RRM1: variants seen among roughly 807,000 people sequenced by gnomAD.
RRM1 encodes the protein ribonucleoside-diphosphate reductase large subunit.
Under a neutral mutation model 101.5 loss-of-function variants are expected in RRM1, and 19 were observed. The ratio of observed to expected loss-of-function variants is 0.19; its 90% CI spans 0.13 to 0.27. The LOEUF is 0.27. Ranked by LOEUF, RRM1 falls within the 10% of genes least tolerant of loss-of-function variation. The pLI, the probability that RRM1 is intolerant of heterozygous loss-of-function variation, is 1.00. For synonymous variants in RRM1, 298 were observed against 323.4 expected, an observed-to-expected ratio of 0.92 and a Z score of 0.84; for missense variants, 500 against 962.9, an observed-to-expected ratio of 0.52 and a Z score of 6.36.
At chr11:4,112,140 A>G (rs2094566456) in intron 7 of RRM1, 78 bp downstream of exon 7, 3 of 1,140,386 alleles carry the variant, frequency 2.6e-6, no homozygotes, top group Non-Finnish European at 3.8e-6. Context: ...AAATAATTTA[A>G]TGACCTTTTA....
At chr11:4,111,812 T>G in intron 6 of RRM1, 88 bp from the exon 7 acceptor site, 4 of 1,348,552 alleles carry the variant, frequency 3.0e-6, no homozygotes, top group Non-Finnish European at 4.1e-6. Context: ...CTAGTTTCCT[T>G]TTGGTGTCCT....
intron 7 of RRM1, chr11:4,116,482 C>T (rs2094573583): frequency 6.6e-6 from 1 of 152,140 alleles, no homozygotes; most frequent in African/African-American, 2.4e-5. Context: ...ATCCCAGCTA[C>T]TCAGGAAGCT....
intron 11 of RRM1, among the ~76,000 whole-genome samples, chr11:4,122,630 T>C (rs964894427): frequency 9.8e-5 from 15 of 152,322 alleles, no homozygotes; most frequent in Non-Finnish European, 2.1e-4. Context: ...CTCAGCACTT[T>C]GGGAAGATGA....
chr11:4,128,080 C>A (rs1332067880), intron 14 of RRM1, among the ~76,000 whole-genome samples: 1 of 151,950 alleles, frequency 6.6e-6, no homozygotes, highest in Non-Finnish European at 1.5e-5. Flanking sequence ...TCAAAAGGGG[C>A]ACAGTCTAGT....
At chr11:4,097,358 T>A (rs924020156) in intron 1 of RRM1, among the ~76,000 whole-genome samples, 1 of 151,546 alleles carries the variant, frequency 6.6e-6, no homozygotes, top group African/African-American at 2.4e-5. Flanking sequence ...TCTCATTCCT[T>A]CATAGAGCAC....
intron 1 of RRM1, 151 bp downstream of exon 1, chr11:4,095,182 C>T (rs1445975606): frequency 2.1e-6 from 2 of 964,050 alleles, no homozygotes; most frequent in East Asian, 2.6e-5. Context: ...GCCCGCTCGG[C>T]CTTCTGTCTT....
chr11:4,108,436 A>G lies in RRM1; in HGVS notation c.387+901A>G, dbSNP rs372137391. On this transcript the variant is annotated intron_variant, in intron 4 of 18. Transcript: ENST00000300738. ...ACACGGTGAAACCCCGTCTCTACTA[A>G]AAATACAAAAAATTAGCCAGGTGTG... 2.6e-4 allele frequency among the ~76,000 whole-genome samples: 39 copies of G among 152,036 alleles called. No homozygotes were observed. In the East Asian group the frequency reaches 3.9e-3, roughly 15 times the overall value.
chr11:4,137,441 G>C (rs1470288556), intron 18 of RRM1, among the ~76,000 whole-genome samples: 3 of 136,052 alleles, frequency 2.2e-5, no homozygotes, highest in East Asian at 2.3e-4. Flanking sequence ...CTGGCCGGGC[G>C]GGGGGCTCAC....
At chr11:4,119,666 A>T (rs1329029678) in intron 8 of RRM1, 179 bp from the exon 9 acceptor site, 2 of 573,702 alleles carry the variant, frequency 3.5e-6, no homozygotes, top group African/African-American at 3.8e-5. Flanking sequence ...TAATTTATTC[A>T]ACATTTTGTT....
intron 8 of RRM1, chr11:4,119,573 C>T (rs980923616): frequency 2.7e-6 from 1 of 365,006 alleles, no homozygotes; most frequent in African/African-American, 2.2e-5. Context: ...ATTTAGCTAC[C>T]TTGATTTTGG....
intron 5 of RRM1, among the ~76,000 whole-genome samples, chr11:4,109,977 T>A (rs533232220): frequency 1.3e-5 from 2 of 152,312 alleles, no homozygotes; most frequent in East Asian, 3.9e-4. Context: ...ATTCTAAGTA[T>A]TTTTGCGTTG....
chr11:4,114,748 T>G (rs1249270081), intron 7 of RRM1, among the ~76,000 whole-genome samples: 1 of 152,180 alleles, frequency 6.6e-6, no homozygotes, highest in Non-Finnish European at 1.5e-5. Context: ...AGTCTCACTC[T>G]TTTGCCCAGG....
chr11:4,101,904 C>T, intron 1 of RRM1, 89 bp from the exon 2 acceptor site: 1 of 731,556 alleles, frequency 1.4e-6, no homozygotes, highest in Non-Finnish European at 2.4e-6. Flanking sequence ...GGTCAATTTA[C>T]ATGTTAATTA....
At chr11:4,105,953 C>T in intron 2 of RRM1, 93 bp from the exon 3 acceptor site, 1 of 1,040,444 alleles carries the variant, frequency 9.6e-7, no homozygotes. Flanking sequence ...CATGTACTAC[C>T]ACACCTGGCC....
intron 5 of RRM1, 87 bp from the exon 6 acceptor site, chr11:4,111,514 A>G: frequency 2.5e-6 from 2 of 784,882 alleles, no homozygotes; most frequent in Non-Finnish European, 4.1e-6. Flanking sequence ...GCGAAGATTT[A>G]AAGAGATTGC....
intron 7 of RRM1, among the ~76,000 whole-genome samples, chr11:4,115,428 C>G (rs186959506): frequency 2.8e-5 from 4 of 143,644 alleles, no homozygotes; most frequent in Admixed American, 2.2e-4. Flanking sequence ...CATGTGGCCA[C>G]AAAGGAGAGC....
intron 18 of RRM1, among the ~76,000 whole-genome samples, chr11:4,136,605 T>C (rs2094610403): frequency 6.6e-6 from 1 of 151,986 alleles, no homozygotes; most frequent in Admixed American, 6.6e-5. Flanking sequence ...TTGCCCAGGC[T>C]GGAGTGCAAT....
chr11:4,127,268 G>C lies in RRM1; in HGVS notation c.1692+12G>C, dbSNP rs1475759423. The C allele has an allele frequency of 6.5e-7, 1 of 1,540,788 alleles. No individual in the cohort carries two copies. The highest frequency in any genetic ancestry group is 1.3e-5 in the South Asian group (1 of 78,672). On this transcript the variant is annotated intron_variant, in intron 14 of 18. Transcript: ENST00000300738. ...CAGTTAGCAAAGGAGTAAGTATATG[G>C]ATGGAATTGTTTTTGCCTGTGAGTA...
At position 4,106,090 on chromosome 11, in the gene RRM1, C is replaced by T. The variant is rs140887510; in HGVS notation, c.153C>T (p.Val51=). ...MKVIQGLYSG[V]TTVELDTLAA... Reference sequence around the variant, plus strand: ...TAATCCAAGGCTTGTACAGTGGGGTCACCACAGTGGAACTAGATACTTTGG... The same window carrying T: ...TAATCCAAGGCTTGTACAGTGGGGTTACCACAGTGGAACTAGATACTTTGG... The change falls in exon 3 of 19, where the codon GTC becomes GTT. Residue 51 remains valine, a synonymous_variant. Coordinates refer to ENST00000300738, the MANE Select transcript of RRM1 (RefSeq NM_001033.5). The T allele has an allele frequency of 8.1e-6, 13 of 1,613,836 alleles. No homozygotes were observed. Among genetic ancestry groups the T allele is most frequent in the Admixed American group, 5.0e-5 (3 of 59,964 alleles).
Sources: allele counts gnomAD v4.1 joint callset (sites outside exome capture counted in the v4.1 genomes callset), GRCh38; gene constraint gnomAD v4.1.1; transcripts MANE v1.5; gene names NCBI Gene and HGNC (gene_info 2026-07-23, HGNC 2026-07-21).